Variants in SEPTIN6 observed in about 807,000 individuals in gnomAD.
SEPTIN6 encodes septin 6, also known as septin-6.
In SEPTIN6, 8 loss-of-function variants were observed where a neutral mutation model predicts 33.6. The observed-to-expected ratio is 0.24, with a 90% CI of 0.14 to 0.43. The LOEUF (loss-of-function observed/expected upper bound fraction) is 0.43, where lower values mean the gene tolerates loss of function less well. Among genes scored for constraint, SEPTIN6 ranks in the 20% least tolerant of loss-of-function variants. The pLI is 1.00. For synonymous variants in SEPTIN6, 131 were observed against 140.0 expected, an observed-to-expected ratio of 0.94 and a Z score of 0.45; for missense variants, 250 against 340.8, an observed-to-expected ratio of 0.73 and a Z score of 2.10.
chrX:119,679,245 A>AAAATT (rs1262875895), intron 1 of SEPTIN6, among the ~76,000 whole-genome samples: 24 of 111,845 alleles, frequency 2.1e-4, no homozygotes, highest in African/African-American at 7.8e-4. Flanking sequence ...CCTGGCCCAA[A>AAAATT]AGAAATAATT....
intron 8 of SEPTIN6, among the ~76,000 whole-genome samples, chrX:119,630,127 A>C (rs2053935350): frequency 8.9e-6 from 1 of 112,154 alleles, no homozygotes; most frequent in Admixed American, 9.5e-5. Context: ...CTCAAAAAAT[A>C]AAAAAAGAAA....
At chrX:119,642,803 A>C (rs950532882) in intron 5 of SEPTIN6, among the ~76,000 whole-genome samples, 1 of 111,004 alleles carries the variant, frequency 9.0e-6, no homozygotes, top group African/African-American at 3.3e-5. Context: ...CAGTCCCTCA[A>C]ATTGCTTGGC....
rs75714284 is a variant in SEPTIN6 at position 119,678,956 on chromosome X, CT to C, written c.31-3289del. Reference sequence around the variant, plus strand: ...AGAAGAAAAAATTTTCTTTTCTTTCCTTTTTTTTTGATAAGGAGTCTCTCCC... The same window carrying C: ...AGAAGAAAAAATTTTCTTTTCTTTCCTTTTTTTTGATAAGGAGTCTCTCCC... On this transcript the variant is annotated intron_variant, in intron 1 of 10. Transcript: ENST00000394610. Among the ~76,000 whole-genome samples, 544 of 109,507 alleles carry C rather than the reference CT, an allele frequency of 5.0e-3. 2 individuals are homozygous for C. The highest frequency in any genetic ancestry group is 0.017 in the African/African-American group (518 of 30,115).
intron 2 of SEPTIN6, among the ~76,000 whole-genome samples, chrX:119,674,007 GTT>G (rs2054798311): frequency 9.1e-6 from 1 of 110,430 alleles, no homozygotes; most frequent in African/African-American, 3.3e-5. Context: ...TAGCAAAAGT[GTT>G]TGAGTGTTTC....
chrX:119,686,779 T>G (rs1157393423), intron 1 of SEPTIN6: 2 of 280,660 alleles, frequency 7.1e-6, no homozygotes, highest in African/African-American at 2.9e-5. Context: ...GAAGAAAAAA[T>G]AAAAAAGAAA....
At chrX:119,621,415 G>A (rs769612185) in intron 10 of SEPTIN6, among the ~76,000 whole-genome samples, 1 of 104,911 alleles carries the variant, frequency 9.5e-6, no homozygotes, top group South Asian at 4.3e-4. Flanking sequence ...CTTGCCTGTG[G>A]CTGCAAAGAG....
chrX:119,635,817 C>T (rs1193564223), intron 7 of SEPTIN6, among the ~76,000 whole-genome samples: 1 of 111,427 alleles, frequency 9.0e-6, no homozygotes, highest in Non-Finnish European at 1.9e-5. Context: ...GACTTCTTGA[C>T]AGGACAGAGG....
chrX:119,666,148 GC>G (rs2054635197), intron 2 of SEPTIN6, among the ~76,000 whole-genome samples: 1 of 110,737 alleles, frequency 9.0e-6, no homozygotes, highest in South Asian at 3.8e-4. Context: ...AATTACTCTG[GC>G]CTGCCCTTTG....
At position 119,685,791 on chromosome X, in the gene SEPTIN6, AG is replaced by A. The variant is rs201243681; in HGVS notation, c.30+7284del. On this transcript the variant is annotated intron_variant, in intron 1 of 10. Coordinates refer to ENST00000394610, the MANE Select transcript of SEPTIN6 (RefSeq NM_145799.4). ...AATCTGGAAACCCGTGAGCTCCCCAAGGTGGTTCTGGCCCACAGAAGGCAAC... is the reference window on the plus strand; with the variant it reads ...AATCTGGAAACCCGTGAGCTCCCCAAGTGGTTCTGGCCCACAGAAGGCAAC... Among the ~76,000 whole-genome samples the A allele has an allele frequency of 4.9e-3, 551 of 111,786 alleles. 3 individuals are homozygous for A. The highest frequency in any genetic ancestry group is 0.044 in the East Asian group (156 of 3,554).
At chrX:119,680,710 C>T (rs978061279) in intron 1 of SEPTIN6, among the ~76,000 whole-genome samples, 3 of 109,886 alleles carry the variant, frequency 2.7e-5, no homozygotes, top group Non-Finnish European at 5.7e-5. Context: ...TGGCCAGGCA[C>T]GATGGCTCAC....
chrX:119,632,125 G>A (rs1053905325), intron 8 of SEPTIN6, among the ~76,000 whole-genome samples: 10 of 109,184 alleles, frequency 9.2e-5, no homozygotes, highest in African/African-American at 3.0e-4. Context: ...TTAAACTCCT[G>A]GGCTCAAGCA....
chrX:119,668,953 G>A (rs1467863273), intron 2 of SEPTIN6, among the ~76,000 whole-genome samples: 7 of 111,169 alleles, frequency 6.3e-5, no homozygotes, highest in Admixed American at 9.7e-5. Flanking sequence ...CTTTCCCCCT[G>A]AGTCCCCAAA....
chrX:119,669,234 G>A (rs921124379), intron 2 of SEPTIN6, among the ~76,000 whole-genome samples: 3 of 113,289 alleles, frequency 2.6e-5, no homozygotes, highest in Admixed American at 9.3e-5. Flanking sequence ...ACGCATAGGC[G>A]TGATACGTTT....
intron 2 of SEPTIN6, among the ~76,000 whole-genome samples, chrX:119,665,807 C>A (rs903109427): frequency 1.8e-5 from 2 of 111,110 alleles, no homozygotes; most frequent in Non-Finnish European, 3.8e-5. Context: ...GAGGGCCAGG[C>A]GCGGTGGCTC....
At position 119,618,960 on chromosome X, in the gene SEPTIN6, G is replaced by A; in HGVS notation, c.*1133C>T. 1 of 981,001 alleles carries A rather than the reference G, an allele frequency of 1.0e-6. No homozygotes were observed. The highest frequency in any genetic ancestry group is 1.3e-6 in the Non-Finnish European group (1 of 775,258). The allele number at this position is 981,001 out of a possible 1,213,427, so 80.8% of individuals were successfully genotyped here. On this transcript the variant is annotated 3_prime_UTR_variant, in exon 11 of 11. Transcript: ENST00000394610. ...AAAGCCACTATCAGATGGGACCCAT[G>A]ATAAAAACTTAGGGCTGGAATATTT...
chrX:119,685,178 T>G (rs2055036145), intron 1 of SEPTIN6, among the ~76,000 whole-genome samples: 1 of 112,378 alleles, frequency 8.9e-6, no homozygotes, highest in South Asian at 3.6e-4. Context: ...TAGCCGGCTC[T>G]TCTACTGCAT....
At chrX:119,620,177 G>C (rs1010499143) in intron 10 of SEPTIN6, 126 bp from the exon 11 acceptor site, 7 of 520,773 alleles carry the variant, frequency 1.3e-5, no homozygotes, top group Non-Finnish European at 2.2e-5. Context: ...ATGTTAGATG[G>C]TCTTAAGGTC....
Position 119,661,300 on chromosome X carries a change from A to G in SEPTIN6, c.341+2182T>C, listed in dbSNP as rs753611460. ...AAAAAAATTAGCTGGGTGTGGTGGC[A>G]CGAGCCTGTAGTCCCAGCTACTCGG... On this transcript the variant is annotated intron_variant, in intron 3 of 10. Coordinates refer to ENST00000394610, the MANE Select transcript of SEPTIN6 (RefSeq NM_145799.4). Among the ~76,000 whole-genome samples the G allele has an allele frequency of 2.1e-4, 22 of 105,306 alleles. No individual in the cohort carries two copies. In the South Asian group the frequency reaches 8.9e-3, roughly 43 times the overall value. 91.4% of individuals were successfully genotyped at this position (105,306 alleles called of 115,157 possible).
In SEPTIN6 at chrX:119,617,408, A is replaced by G; in HGVS notation, c.*2685T>C. 1.2e-6 allele frequency: 1 copy of G among 804,443 alleles called. No individual in the cohort carries two copies. The highest frequency in any genetic ancestry group is 1.5e-6 in the Non-Finnish European group (1 of 670,180). 66.3% of individuals were successfully genotyped at this position (804,443 alleles called of 1,213,427 possible). On this transcript the variant is annotated 3_prime_UTR_variant, in exon 11 of 11. Coordinates refer to ENST00000394610, the MANE Select transcript of SEPTIN6 (RefSeq NM_145799.4). ...CTCATGGGTTCGATTTTTGTTCACC[A>G]AACTTCCCTGATTATAAGGGTCACC...
Sources: allele counts gnomAD v4.1 joint callset (sites outside exome capture counted in the v4.1 genomes callset), GRCh38; gene constraint gnomAD v4.1.1; transcripts MANE v1.5; gene names NCBI Gene and HGNC (gene_info 2026-07-23, HGNC 2026-07-21).